Variants in PCDHA6 observed in about 807,000 individuals in gnomAD.
PCDHA6 encodes protocadherin alpha 6.
In PCDHA6, 55 loss-of-function variants were observed where a neutral mutation model predicts 60.3. The observed-to-expected ratio is 0.91, with a 90% confidence interval of 0.73 to 1.14. The LOEUF is 1.14. Among genes scored for constraint, PCDHA6 ranks in the 50% most tolerant of loss-of-function variants. The probability of loss-of-function intolerance (pLI) is 0.00; values close to 1 mark genes in which losing one functional copy is unlikely to be tolerated. For missense variants in PCDHA6, 1,327 were observed against 1,256.5 expected, an observed-to-expected ratio of 1.06 and a Z score of -0.85; for synonymous variants, 652 against 557.9, an observed-to-expected ratio of 1.17 and a Z score of -2.38.
rs545282445 is a variant in PCDHA6 at position 140,862,074 on chromosome 5, A to G, written c.2394+31589A>G. On this transcript the variant is annotated intron_variant, in intron 1 of 3. Transcript: ENST00000529310. The stretch of plus-strand genomic sequence containing the variant: ...TTTCTTTGCAACTGATGTCTCCCCT[A>G]ACATAGAAGCCCTTTTTCGCATAGA... 8.3e-5 allele frequency: 13 copies of G among 157,080 alleles called. No homozygotes were observed. The South Asian group carries it at 2.1e-3, about 26-fold the overall frequency. 9.7% of individuals were successfully genotyped at this position (157,080 alleles called of 1,614,324 possible).
rs1554214039 is a variant in PCDHA6 at position 140,941,214 on chromosome 5, C to CTTTCTTTCTTTCTTTCTTTCTTTCTTT, written c.2395-37735_2395-37734insTTTCTTTCTTTCTTTCTTTCTTTCTTT. ...TTTTTTCTTTCTTCCTTTCTTTCTTCCTTTCTTTCTTTCTTTCTTTCTTTC... is the reference window on the plus strand; with the variant it reads ...TTTTTTCTTTCTTCCTTTCTTTCTTCTTTCTTTCTTTCTTTCTTTCTTTCTTTCTTTCTTTCTTTCTTTCTTTCTTTC... On this transcript the variant is annotated intron_variant, in intron 1 of 3. Coordinates refer to ENST00000529310, the MANE Select transcript of PCDHA6 (RefSeq NM_018909.4). Among the ~76,000 whole-genome samples the CTTTCTTTCTTTCTTTCTTTCTTTCTTT allele has an allele frequency of 4.7e-4, 57 of 122,484 alleles. 1 individual carries two copies. The highest frequency in any genetic ancestry group is 1.6e-3 in the East Asian group (7 of 4,322). The allele number at this position is 122,484 out of a possible 152,430, so 80.4% of individuals were successfully genotyped here.
rs2150170055 is a variant in PCDHA6 at position 140,829,559 on chromosome 5, G to C, written c.1468G>C (p.Val490Leu). Reference protein sequence around the residue: ...RDADAQENALVSYSLVERRVG... With the variant: ...RDADAQENALLSYSLVERRVG... ...CGCGGACGCGCAGGAGAACGCGCTG[G>C]TGTCCTACTCGCTGGTGGAGCGGCG... Residue 490 changes from valine (V) to leucine (L), a missense_variant, in exon 1 of 4, where the codon GTG becomes CTG. Coordinates refer to ENST00000529310, the MANE Select transcript of PCDHA6 (RefSeq NM_018909.4). The C allele has an allele frequency of 6.2e-7, 1 of 1,612,768 alleles. No homozygotes were observed. The highest frequency in any genetic ancestry group is 8.5e-7 in the Non-Finnish European group (1 of 1,179,832).
At position 140,828,105 on chromosome 5, in the gene PCDHA6, CG is replaced by C. The variant is rs2150151018; in HGVS notation, c.16del (p.Glu6ArgfsTer72). The C allele has an allele frequency of 6.2e-7, 1 of 1,610,250 alleles. No homozygotes were observed. Among genetic ancestry groups the C allele is most frequent in the Non-Finnish European group, 8.5e-7 (1 of 1,177,686 alleles). ...GAGGTATTTGACATGGTGTTTACCC[CG>C]GAGGATAGATTGGGAAAGCAATGTC... MVFT[P>X]EDRLGKQCLL... On this transcript the variant is annotated frameshift_variant, in exon 1 of 4. Transcript: ENST00000529310. LOFTEE classifies it high-confidence loss of function.
rs781789539 is a variant in PCDHA6 at position 140,856,760 on chromosome 5, G to C, written c.2394+26275G>C. 3.8e-6 allele frequency: 6 copies of C among 1,596,522 alleles called. 2 individuals are homozygous for C. Among genetic ancestry groups the C allele is most frequent in the Non-Finnish European group, 5.1e-6 (6 of 1,166,548 alleles). On this transcript the variant is annotated intron_variant, in intron 1 of 3. Transcript: ENST00000529310. ...CCTGGTGTTAGATGCCAATGATAAC[G>C]CCCCTATCTTTGACAGACCGGTTTA...
chr5:140,870,911 A>G (rs782609021), intron 1 of PCDHA6: 2 of 1,613,910 alleles, frequency 1.2e-6, no homozygotes, highest in Non-Finnish European at 1.7e-6. Context: ...TCAGGCTACA[A>G]CGCGTGGCTT....
intron 1 of PCDHA6, among the ~76,000 whole-genome samples, chr5:140,892,166 A>G (rs2063413664): frequency 6.6e-6 from 1 of 152,228 alleles, no homozygotes; most frequent in Admixed American, 6.5e-5. Flanking sequence ...TATGTCCAGT[A>G]ACTGGGATCC....
In PCDHA6 at chr5:140,850,012, G is replaced by A. The variant is rs1415063137; in HGVS notation, c.2394+19527G>A. On this transcript the variant is annotated intron_variant, in intron 1 of 3. Transcript: ENST00000529310. ...CGGTTGGGCGAGCGCTCGCTGTCGAGCTACGTGTCAGTGCACGCGGAGAGC... is the reference window on the plus strand; with the variant it reads ...CGGTTGGGCGAGCGCTCGCTGTCGAACTACGTGTCAGTGCACGCGGAGAGC... 5 of 1,596,912 alleles carry A rather than the reference G, an allele frequency of 3.1e-6. 1 individual carries two copies. In the African/African-American group the frequency reaches 5.4e-5, roughly 17 times the overall value.
intron 1 of PCDHA6, chr5:140,927,472 G>A (rs201932518): frequency 1.6e-4 from 264 of 1,614,094 alleles, no homozygotes; most frequent in Non-Finnish European, 2.0e-4. Context: ...ACTGGATCGC[G>A]AACAGCGCGC....
rs2150167101 is a variant in PCDHA6, at chr5:140,829,396, G to C, written c.1305G>C (p.Leu435=). The C allele has an allele frequency of 1.9e-6, 3 of 1,614,054 alleles. No individual in the cohort carries two copies. The highest frequency in any genetic ancestry group is 2.5e-6 in the Non-Finnish European group (3 of 1,180,058). ...CGCGGGACGGGGGCTCGCCTTCGCT[G>C]TGGGCCACCGCCAGCTTGTCTGTGG... ...VTARDGGSPS[L]WATASLSVEV... The change falls in exon 1 of 4, where the codon CTG becomes CTC. Residue 435 remains leucine (L), a synonymous_variant. Coordinates refer to ENST00000529310, the MANE Select transcript of PCDHA6 (RefSeq NM_018909.4).
In PCDHA6 at chr5:140,850,494, G is replaced by A. The variant is rs140796784; in HGVS notation, c.2394+20009G>A. ...GCTGACGGCCACGGCCACTGTGCTGGTGTCGCTGGTGGAGAGCGGCCAGGC... is the reference window on the plus strand; with the variant it reads ...GCTGACGGCCACGGCCACTGTGCTGATGTCGCTGGTGGAGAGCGGCCAGGC... On this transcript the variant is annotated intron_variant, in intron 1 of 3. Transcript: ENST00000529310. The A allele has an allele frequency of 3.1e-5, 50 of 1,598,140 alleles. 3 individuals carry two copies. In the African/African-American group the frequency reaches 5.6e-4, roughly 18 times the overall value.
chr5:140,967,310 G>A (rs2096126313), intron 1 of PCDHA6: 1 of 1,611,338 alleles, frequency 6.2e-7, no homozygotes, highest in East Asian at 2.2e-5. Context: ...CGCCAACTCA[G>A]TACAGACCTA....
intron 1 of PCDHA6, chr5:140,870,673 C>T (rs1554164562): frequency 1.9e-6 from 3 of 1,612,666 alleles, no homozygotes; most frequent in Non-Finnish European, 1.7e-6. Context: ...GCCGTTGGAC[C>T]ACGAGGAGCT....
chr5:140,951,149 T>C (rs911841540), intron 1 of PCDHA6, among the ~76,000 whole-genome samples: 8 of 100,620 alleles, frequency 8.0e-5, no homozygotes, highest in African/African-American at 3.8e-4. Context: ...TCTTATTGAA[T>C]ATAGTTATAG....
chr5:140,858,271 C>G (rs782492418), intron 1 of PCDHA6: 1 of 1,597,010 alleles, frequency 6.3e-7, no homozygotes, highest in Admixed American at 1.7e-5. Flanking sequence ...TGTGCTCTAG[C>G]GCGGTGGGGA....
intron 3 of PCDHA6, among the ~76,000 whole-genome samples, chr5:140,991,246 AT>A (rs1239917412): frequency 6.6e-6 from 1 of 152,206 alleles, no homozygotes; most frequent in African/African-American, 2.4e-5. Context: ...TAAAGGCAGT[AT>A]TTGAACTCAT....
At chr5:140,931,405 G>C (rs1395168165) in intron 1 of PCDHA6, among the ~76,000 whole-genome samples, 1 of 151,984 alleles carries the variant, frequency 6.6e-6, no homozygotes, top group South Asian at 2.1e-4. Flanking sequence ...CGATAGGAAG[G>C]CTGATGAATC....
chr5:140,875,882 A>G (rs2055902382), intron 1 of PCDHA6: 1 of 1,614,158 alleles, frequency 6.2e-7, no homozygotes, highest in Non-Finnish European at 8.5e-7. Flanking sequence ...AGAGAAAGGG[A>G]ACAAAAGGTA....
At chr5:140,968,431 G>A in intron 1 of PCDHA6, 1 of 1,613,980 alleles carries the variant, frequency 6.2e-7, no homozygotes, top group Non-Finnish European at 8.5e-7. Context: ...AGGACAAGGG[G>A]AGCCCACCAC....
chr5:140,861,487 G>A, intron 1 of PCDHA6: 1 of 490,310 alleles, frequency 2.0e-6, no homozygotes, highest in Non-Finnish European at 4.2e-6. Context: ...ATTTTTGTGA[G>A]TTCTCTGATA....
Sources: gnomAD v4.1 joint callset for allele counts (sites outside exome capture counted in the v4.1 genomes callset) on GRCh38, gnomAD v4.1.1 for gene constraint, MANE v1.5 for transcripts, NCBI Gene and HGNC (gene_info 2026-07-23, HGNC 2026-07-21) for gene names.